ZNF18: variants seen among roughly 807,000 people sequenced by gnomAD.
ZNF18 encodes zinc finger protein 18, also known as heart development-specific gene 1 protein.
Under a neutral mutation model 58.1 loss-of-function variants are expected in ZNF18, and 42 were observed. The observed-to-expected ratio is 0.72, with a 90% confidence interval of 0.56 to 0.93. The LOEUF (loss-of-function observed/expected upper bound fraction) is 0.93, where lower values mean the gene tolerates loss of function less well. Ranked by LOEUF, ZNF18 falls within the 40% of genes least tolerant of loss-of-function variation. The probability of loss-of-function intolerance (pLI) is 0.00; values close to 1 mark genes in which losing one functional copy is unlikely to be tolerated. For synonymous variants in ZNF18, 231 were observed against 239.8 expected, an observed-to-expected ratio of 0.96 and a Z score of 0.34; for missense variants, 540 against 644.2, an observed-to-expected ratio of 0.84 and a Z score of 1.75.
chr17:12,012,698 A>G, the ZNF18 span, among the ~76,000 whole-genome samples: 6 of 151,834 alleles, frequency 4.0e-5, no homozygotes, highest in Non-Finnish European at 8.8e-5. Flanking sequence ...TTTTTTTTAG[A>G]CAAATCTTCC....
chr17:12,006,156 G>A, the ZNF18 span, among the ~76,000 whole-genome samples: 4 of 152,122 alleles, frequency 2.6e-5, no homozygotes, highest in Non-Finnish European at 5.9e-5. Context: ...ATAAATAATT[G>A]TCTATTAATT....
intron 6 of ZNF18, among the ~76,000 whole-genome samples, chr17:11,981,489 T>G (rs113126947): frequency 0.013 from 1,863 of 148,070 alleles, 44 homozygotes; most frequent in African/African-American, 0.044. Flanking sequence ...CGGTTTTTTG[T>G]TTTTTTTTGC....
the ZNF18 span, among the ~76,000 whole-genome samples, chr17:12,013,531 C>A: frequency 5.9e-5 from 9 of 152,072 alleles, no homozygotes; most frequent in African/African-American, 1.9e-4. Context: ...CACTTTTTAG[C>A]AAATTTCTAC....
At chr17:11,978,828 A>G (rs1236799831) in intron 6 of ZNF18, 84 bp from the exon 7 acceptor site, 1 of 735,606 alleles carries the variant, frequency 1.4e-6, no homozygotes, top group South Asian at 3.9e-5. Context: ...GTCATCATAA[A>G]ACATTCATTT....
chr17:11,980,708 C>T (rs1967284843), intron 6 of ZNF18, among the ~76,000 whole-genome samples: 2 of 152,096 alleles, frequency 1.3e-5, no homozygotes, highest in South Asian at 2.1e-4. Flanking sequence ...CGTGAGCCAC[C>T]GCACCAGCCT....
At chr17:11,988,353 C>T (rs1195613498) in intron 4 of ZNF18, among the ~76,000 whole-genome samples, 1 of 152,174 alleles carries the variant, frequency 6.6e-6, no homozygotes, top group Non-Finnish European at 1.5e-5. Context: ...GGCAGCAGCA[C>T]AGGAAGGGAA....
the ZNF18 span, chr17:12,020,871 C>T: frequency 1.8e-6 from 2 of 1,121,980 alleles, no homozygotes; most frequent in South Asian, 4.5e-5. Flanking sequence ...CGCCGCTCGG[C>T]TCTTCACTCC....
upstream of ZNF18, among the ~76,000 whole-genome samples, chr17:12,000,850 GGAGTA>G (rs1968643572): frequency 6.6e-6 from 1 of 152,186 alleles, no homozygotes; most frequent in African/African-American, 2.4e-5. Context: ...AGAGTGGTTG[GGAGTA>G]GAGAAATCCT....
chr17:11,985,114 T>G (rs1967651619), intron 4 of ZNF18, among the ~76,000 whole-genome samples: 1 of 152,162 alleles, frequency 6.6e-6, no homozygotes, highest in African/African-American at 2.4e-5. Context: ...ATTAAATTAG[T>G]TTTCTTTCCA....
the ZNF18 span, among the ~76,000 whole-genome samples, chr17:12,006,774 GT>G: frequency 9.9e-5 from 15 of 151,564 alleles, no homozygotes; most frequent in African/African-American, 2.9e-4. Flanking sequence ...TTACCATACT[GT>G]TTTTTTTGCC....
chr17:11,978,032 A>G lies in ZNF18; in HGVS notation c.1575T>C (p.Cys525=). The change falls in exon 7 of 7, where the codon TGT becomes TGC. Residue 525 remains cysteine, a synonymous_variant. Coordinates refer to ENST00000580306, the MANE Select transcript of ZNF18 (RefSeq NM_001303281.2). ...TCGAGCTCCAGCTGAAACTTTTCCC[A>G]CAGTGCGAACATTTATAAGGTTTCT... ...TGEKPYKCSH[C]GKSFSWSSSL... is the part of the protein sequence containing the mutation. The G allele has an allele frequency of 1.2e-6, 2 of 1,609,144 alleles. No individual in the cohort carries two copies. Among genetic ancestry groups the G allele is most frequent in the South Asian group, 1.1e-5 (1 of 90,606 alleles).
chr17:11,988,666 G>T lies in ZNF18; in HGVS notation c.666+1796C>A, dbSNP rs1967905061. 1.3e-5 allele frequency among the ~76,000 whole-genome samples: 2 copies of T among 152,188 alleles called. 1 individual carries two copies. Among genetic ancestry groups the T allele is most frequent in the South Asian group, 4.1e-4 (2 of 4,832 alleles). Reference sequence around the variant, plus strand: ...TACTCAGAATACTCAGAAGGGAAGTGCCTTAGCATGGAAAGAATAATCCTC... The same window carrying T: ...TACTCAGAATACTCAGAAGGGAAGTTCCTTAGCATGGAAAGAATAATCCTC... On this transcript the variant is annotated intron_variant, in intron 4 of 6. Transcript: ENST00000580306.
At chr17:11,991,714 A>C (rs1401792965) in intron 2 of ZNF18, among the ~76,000 whole-genome samples, 2 of 152,150 alleles carry the variant, frequency 1.3e-5, no homozygotes, top group African/African-American at 4.8e-5. Flanking sequence ...ACCACACCTG[A>C]GTTTATGCTA....
chr17:11,987,074 C>T (rs774162059), intron 4 of ZNF18, among the ~76,000 whole-genome samples: 3 of 152,134 alleles, frequency 2.0e-5, no homozygotes, highest in Non-Finnish European at 2.9e-5. Context: ...TTAGAAGAGA[C>T]GGAAAAACCT....
chr17:12,005,356 G>A, the ZNF18 span, among the ~76,000 whole-genome samples: 20 of 152,080 alleles, frequency 1.3e-4, no homozygotes, highest in South Asian at 4.1e-4. Flanking sequence ...AAAATATTCC[G>A]TATAAAAAGT....
the ZNF18 span, among the ~76,000 whole-genome samples, chr17:12,006,701 T>C: frequency 2.6e-5 from 4 of 152,036 alleles, no homozygotes; most frequent in Admixed American, 6.6e-5. Flanking sequence ...CAGTGAGCCA[T>C]GATCTCACCA....
At chr17:11,980,223 T>C (rs1009748888) in intron 6 of ZNF18, among the ~76,000 whole-genome samples, 1 of 152,170 alleles carries the variant, frequency 6.6e-6, no homozygotes, top group Non-Finnish European at 1.5e-5. Flanking sequence ...TTATGCCATT[T>C]AGATGGATGA....
At chr17:11,981,488 GT>G (rs1303561457) in intron 6 of ZNF18, among the ~76,000 whole-genome samples, 1 of 103,664 alleles carries the variant, frequency 9.6e-6, no homozygotes, top group Admixed American at 9.3e-5. Flanking sequence ...CCGGTTTTTT[GT>G]TTTTTTTTGC....
upstream of ZNF18, among the ~76,000 whole-genome samples, chr17:11,997,822 C>T (rs1005121562): frequency 6.6e-6 from 1 of 152,222 alleles, no homozygotes; most frequent in East Asian, 1.9e-4. Context: ...GTCCCACCCG[C>T]AGAGCTGCAA....
Sources: gnomAD v4.1 joint callset for allele counts (sites outside exome capture counted in the v4.1 genomes callset) on GRCh38, gnomAD v4.1.1 for gene constraint, MANE v1.5 for transcripts, NCBI Gene and HGNC (gene_info 2026-07-23, HGNC 2026-07-21) for gene names.